The following MAGI1 variants were observed in gnomAD, a reference collection of about 807,000 sequenced individuals.
MAGI1 encodes membrane associated guanylate kinase, WW and PDZ domain containing 1.
Under a neutral mutation model 139.9 loss-of-function variants are expected in MAGI1, and 58 were observed. The ratio of observed to expected loss-of-function variants is 0.41; its 90% CI spans 0.34 to 0.52. The LOEUF is 0.52. MAGI1 is among the 20% of genes least tolerant of loss of function. The probability of loss-of-function intolerance (pLI) is 0.12; values close to 1 mark genes in which losing one functional copy is unlikely to be tolerated. For synonymous variants in MAGI1, 812 were observed against 737.9 expected (o/e 1.10, Z -1.63); for missense variants, 1,874 against 1,901.6 (o/e 0.99, Z 0.27).
At chr3:65,411,171 G>C (rs918966941) in intron 12 of MAGI1, among the ~76,000 whole-genome samples, 1 of 152,106 alleles carries the variant, frequency 6.6e-6, no homozygotes, top group Non-Finnish European at 1.5e-5. Context: ...TATGGTTCTA[G>C]GAAAGCTCTC....
intron 1 of MAGI1, among the ~76,000 whole-genome samples, chr3:65,730,201 T>G (rs1022534643): frequency 6.7e-6 from 1 of 148,200 alleles, no homozygotes; most frequent in African/African-American, 2.5e-5. Flanking sequence ...TAAGAGAATC[T>G]TTGCATTAAG....
chr3:65,463,610 G>GTGTGTGT (rs1949970182), intron 5 of MAGI1, among the ~76,000 whole-genome samples: 1 of 146,634 alleles, frequency 6.8e-6, no homozygotes, highest in African/African-American at 2.5e-5. Context: ...GTGTCTGCCA[G>GTGTGTGT]GTTTTGGTAT....
At chr3:65,478,257 C>A (rs542400267) in intron 4 of MAGI1, among the ~76,000 whole-genome samples, 12 of 151,878 alleles carry the variant, frequency 7.9e-5, no homozygotes, top group Admixed American at 3.3e-4. Context: ...GTTACCCCCC[C>A]CAAAAAAAAT....
chr3:65,706,967 C>A (rs2030415825), intron 1 of MAGI1, among the ~76,000 whole-genome samples: 1 of 152,186 alleles, frequency 6.6e-6, no homozygotes, highest in Admixed American at 6.5e-5. Flanking sequence ...AATGTCCATA[C>A]CAAAACCACC....
At chr3:65,552,829 G>C (rs929650089) in intron 2 of MAGI1, among the ~76,000 whole-genome samples, 2 of 152,204 alleles carry the variant, frequency 1.3e-5, no homozygotes, top group African/African-American at 2.4e-5. Context: ...CCTTCAACCA[G>C]ATGCATGTGT....
At chr3:65,460,439 T>C (rs1480871221) in intron 5 of MAGI1, among the ~76,000 whole-genome samples, 1 of 152,212 alleles carries the variant, frequency 6.6e-6, no homozygotes, top group Non-Finnish European at 1.5e-5. Flanking sequence ...ATATTCCTTT[T>C]TCAGGAGTTC....
intron 12 of MAGI1, among the ~76,000 whole-genome samples, chr3:65,407,342 G>A (rs1441412521): frequency 6.6e-6 from 1 of 151,866 alleles, no homozygotes; most frequent in East Asian, 1.9e-4. Context: ...AGCTACTCGG[G>A]AGGCTGAGAC....
chr3:65,764,734 G>A (rs1280901944), intron 1 of MAGI1, among the ~76,000 whole-genome samples: 1 of 151,900 alleles, frequency 6.6e-6, no homozygotes, highest in East Asian at 1.9e-4. Flanking sequence ...AGAATACAGT[G>A]AGAAAGTCGT....
At chr3:65,525,940 A>G (rs1216593532) in intron 2 of MAGI1, among the ~76,000 whole-genome samples, 2 of 152,234 alleles carry the variant, frequency 1.3e-5, no homozygotes, top group African/African-American at 4.8e-5. Flanking sequence ...TGGGGACTTC[A>G]GTAACTTCAC....
rs139035694 is a variant in MAGI1 at position 65,712,701 on chromosome 3, G to A, written c.314-90613C>T. 7.5e-3 allele frequency among the ~76,000 whole-genome samples: 1,142 copies of A among 152,088 alleles called. 16 individuals carry two copies. Among genetic ancestry groups the A allele is most frequent in the African/African-American group, 0.026 (1,066 of 41,496 alleles). ...TAATTTTTGTATTTTTAGTAGAGACGAGGTTTCACCATGTTGGCCAGGCTG... is the reference window on the plus strand; with the variant it reads ...TAATTTTTGTATTTTTAGTAGAGACAAGGTTTCACCATGTTGGCCAGGCTG... On this transcript the variant is annotated intron_variant, in intron 1 of 22. Coordinates refer to ENST00000402939, the MANE Select transcript of MAGI1 (RefSeq NM_001033057.2).
At chr3:65,753,944 G>A (rs941205148) in intron 1 of MAGI1, among the ~76,000 whole-genome samples, 1 of 152,128 alleles carries the variant, frequency 6.6e-6, no homozygotes, top group Non-Finnish European at 1.5e-5. Context: ...CCACACAGCT[G>A]CAGGTATAGA....
chr3:65,438,069 C>T (rs1278226563), intron 9 of MAGI1, among the ~76,000 whole-genome samples: 1 of 152,124 alleles, frequency 6.6e-6, no homozygotes, highest in African/African-American at 2.4e-5. Flanking sequence ...AGAATGATAC[C>T]TACACTTGTA....
intron 1 of MAGI1, among the ~76,000 whole-genome samples, chr3:66,018,736 G>A (rs993245779): frequency 1.3e-5 from 2 of 152,182 alleles, no homozygotes; most frequent in African/African-American, 4.8e-5. Context: ...AGCCACCTGA[G>A]CTCTGACTCT....
At chr3:65,898,620 CACTT>C (rs2061083981) in intron 1 of MAGI1, among the ~76,000 whole-genome samples, 2 of 152,098 alleles carry the variant, frequency 1.3e-5, no homozygotes, top group African/African-American at 2.4e-5. Flanking sequence ...TATTTTGAAA[CACTT>C]AGTATACAAA....
chr3:65,702,364 C>T (rs1281373717), intron 1 of MAGI1, among the ~76,000 whole-genome samples: 1 of 152,128 alleles, frequency 6.6e-6, no homozygotes, highest in Non-Finnish European at 1.5e-5. Flanking sequence ...ACTGCCATAA[C>T]CTTTAAGGTC....
intron 1 of MAGI1, among the ~76,000 whole-genome samples, chr3:65,965,148 C>G (rs2064677491): frequency 6.6e-6 from 1 of 152,154 alleles, no homozygotes; most frequent in Admixed American, 6.5e-5. Flanking sequence ...ACAGATGCAA[C>G]TATTTGGTAA....
chr3:65,484,658 TGA>T (rs1453021061), intron 3 of MAGI1, among the ~76,000 whole-genome samples: 3 of 152,254 alleles, frequency 2.0e-5, no homozygotes, highest in Non-Finnish European at 4.4e-5. Flanking sequence ...CTTTTCACTC[TGA>T]CCTCACTGGT....
At chr3:65,423,564 T>C (rs184484754) in intron 12 of MAGI1, among the ~76,000 whole-genome samples, 10 of 152,360 alleles carry the variant, frequency 6.6e-5, no homozygotes, top group Non-Finnish European at 1.3e-4. Context: ...CATTTCTTTA[T>C]GCATAAGATA....
At chr3:65,968,373 C>A (rs150556338) in intron 1 of MAGI1, among the ~76,000 whole-genome samples, 5 of 152,234 alleles carry the variant, frequency 3.3e-5, no homozygotes, top group African/African-American at 1.2e-4. Context: ...AACCTTAATG[C>A]TCATCAGCAG....
Sources: gnomAD v4.1 joint callset for allele counts (sites outside exome capture counted in the v4.1 genomes callset) on GRCh38, gnomAD v4.1.1 for gene constraint, MANE v1.5 for transcripts, NCBI Gene and HGNC (gene_info 2026-07-23, HGNC 2026-07-21) for gene names.